Variants in CTNNA3 observed in about 807,000 individuals in gnomAD.
CTNNA3 encodes catenin alpha 3, also known as catenin alpha-3.
A neutral mutation model predicts 95.7 loss-of-function variants in CTNNA3; 76 were observed. That is an observed-to-expected ratio of 0.79 (90% CI 0.66 to 0.96). The LOEUF (loss-of-function observed/expected upper bound fraction) is 0.96, where lower values mean the gene tolerates loss of function less well. CTNNA3 is among the 40% of genes least tolerant of loss of function. CTNNA3 has a pLI of 0.00. For synonymous variants in CTNNA3, 431 were observed against 374.4 expected (o/e 1.15, Z -1.74); for missense variants, 1,191 against 1,089.8 (o/e 1.09, Z -1.31).
intron 5 of CTNNA3, among the ~76,000 whole-genome samples, chr10:67,311,460 C>A (rs550133289): frequency 7.2e-5 from 11 of 152,188 alleles, no homozygotes; most frequent in Non-Finnish European, 1.5e-4. Context: ...CTGTGGTTGC[C>A]TGTGGCTGGG....
At chr10:66,758,239 T>C (rs557704558) in intron 9 of CTNNA3, among the ~76,000 whole-genome samples, 3 of 152,322 alleles carry the variant, frequency 2.0e-5, no homozygotes, top group African/African-American at 7.2e-5. Context: ...ACATCTTCCA[T>C]TTATAGATAA....
At chr10:67,476,628 T>TA (rs556919345) in intron 5 of CTNNA3, among the ~76,000 whole-genome samples, 115 of 151,592 alleles carry the variant, frequency 7.6e-4, no homozygotes, top group Admixed American at 1.7e-3. Flanking sequence ...AAAGAGATCG[T>TA]AGTGCATCTG....
chr10:67,573,017 A>G lies in CTNNA3; in HGVS notation c.293-33348T>C, dbSNP rs183871663. Among the ~76,000 whole-genome samples, 1,201 of 152,262 alleles carry G rather than the reference A, an allele frequency of 7.9e-3. 18 individuals are homozygous for G. Among genetic ancestry groups the G allele is most frequent in the African/African-American group, 0.028 (1,145 of 41,552 alleles). ...GGTGGGAGGATCACTTGAGCCTGAG[A>G]GGTTGAGGCTGCAGTGAGCCGTGAT... On this transcript the variant is annotated intron_variant, in intron 3 of 17. Coordinates refer to ENST00000433211, the MANE Select transcript of CTNNA3 (RefSeq NM_013266.4).
intron 11 of CTNNA3, among the ~76,000 whole-genome samples, chr10:66,484,197 T>G (rs902354622): frequency 1.4e-5 from 2 of 145,554 alleles, no homozygotes; most frequent in African/African-American, 5.5e-5. Flanking sequence ...GTTCTTATAC[T>G]TGGAAAGGAA....
chr10:67,234,304 G>C lies in CTNNA3; in HGVS notation c.580-14434C>G, dbSNP rs1410914613. On this transcript the variant is annotated intron_variant, in intron 5 of 17. Coordinates refer to ENST00000433211, the MANE Select transcript of CTNNA3 (RefSeq NM_013266.4). ...ACCAAATCCAGCAGCACATCAAAAA[G>C]CTTATCCACCATGATCAAGTGGGCT... Among the ~76,000 whole-genome samples the C allele has an allele frequency of 2.0e-5, 3 of 152,268 alleles. No homozygotes were observed. The East Asian group carries it at 5.8e-4, about 29-fold the overall frequency.
chr10:67,284,891 C>G (rs1428255464), intron 5 of CTNNA3, among the ~76,000 whole-genome samples: 1 of 152,084 alleles, frequency 6.6e-6, no homozygotes, highest in Non-Finnish European at 1.5e-5. Context: ...GTGAGGAATA[C>G]AAAATTTATC....
intron 1 of CTNNA3, among the ~76,000 whole-genome samples, chr10:67,741,503 G>A (rs1388593751): frequency 6.6e-6 from 1 of 150,816 alleles, no homozygotes; most frequent in African/African-American, 2.4e-5. Flanking sequence ...GCTCCTGAAG[G>A]AAGCACTAAA....
intron 11 of CTNNA3, among the ~76,000 whole-genome samples, chr10:66,463,876 T>C (rs34010917): frequency 0.38 from 57,259 of 150,298 alleles, 11,723 homozygotes; most frequent in East Asian, 0.59. Context: ...GAGGGAGCAG[T>C]CACTTTCCAA....
intron 10 of CTNNA3, among the ~76,000 whole-genome samples, chr10:66,561,780 G>A (rs117686765): frequency 6.6e-6 from 1 of 152,172 alleles, no homozygotes; most frequent in Non-Finnish European, 1.5e-5. Context: ...TAGCATGAGA[G>A]TGACCATAGG....
At chr10:67,223,557 G>A (rs574704465) in intron 5 of CTNNA3, among the ~76,000 whole-genome samples, 3 of 152,280 alleles carry the variant, frequency 2.0e-5, no homozygotes, top group Admixed American at 6.5e-5. Context: ...AGCTGACGAA[G>A]AAACACACAG....
intron 17 of CTNNA3, among the ~76,000 whole-genome samples, chr10:65,929,635 C>T (rs1025521657): frequency 7.0e-4 from 105 of 150,488 alleles, no homozygotes; most frequent in African/African-American, 2.2e-3. Flanking sequence ...GTGGCGCAAT[C>T]TCGGCTCACT....
chr10:67,694,252 T>C (rs1840922054), intron 1 of CTNNA3, among the ~76,000 whole-genome samples: 1 of 152,098 alleles, frequency 6.6e-6, no homozygotes, highest in African/African-American at 2.4e-5. Flanking sequence ...TAAAAGTTTA[T>C]TGAGTGGAAA....
chr10:67,726,585 ATGTAATAT>A (rs1445249117), intron 1 of CTNNA3, among the ~76,000 whole-genome samples: 3 of 66,102 alleles, frequency 4.5e-5, no homozygotes, highest in African/African-American at 2.5e-4. Context: ...ATTATATAAT[ATGTAATAT>A]TATATTACAT....
chr10:67,514,817 C>T (rs1482559300), intron 5 of CTNNA3, among the ~76,000 whole-genome samples: 1 of 151,786 alleles, frequency 6.6e-6, no homozygotes, highest in Non-Finnish European at 1.5e-5. Context: ...AAACATTCCC[C>T]ACATAAAGTA....
At chr10:66,074,807 C>T (rs1314110743) in intron 14 of CTNNA3, among the ~76,000 whole-genome samples, 1 of 151,804 alleles carries the variant, frequency 6.6e-6, no homozygotes, top group Non-Finnish European at 1.5e-5. Flanking sequence ...TGACATTACA[C>T]ATAATTTTTC....
intron 5 of CTNNA3, among the ~76,000 whole-genome samples, chr10:67,371,597 A>G (rs1183566934): frequency 1.3e-5 from 2 of 152,118 alleles, no homozygotes; most frequent in African/African-American, 4.8e-5. Flanking sequence ...CATGGTGTAT[A>G]TGTGCCACAT....
At chr10:67,350,406 AG>A (rs1378346021) in intron 5 of CTNNA3, among the ~76,000 whole-genome samples, 1 of 152,022 alleles carries the variant, frequency 6.6e-6, no homozygotes, top group East Asian at 1.9e-4. Context: ...AATTAGTAAA[AG>A]TTCAGTCCTA....
chr10:67,303,574 T>C (rs1840416134), intron 5 of CTNNA3, among the ~76,000 whole-genome samples: 1 of 152,198 alleles, frequency 6.6e-6, no homozygotes, highest in Admixed American at 6.5e-5. Context: ...ATTTAAAATA[T>C]TTTGCAATTT....
intron 10 of CTNNA3, among the ~76,000 whole-genome samples, chr10:66,592,289 G>C (rs555599782): frequency 1.3e-5 from 2 of 151,742 alleles, no homozygotes; most frequent in South Asian, 2.1e-4. Context: ...ATTTATCACA[G>C]TTTTTAGGAA....
Sources: allele counts gnomAD v4.1 joint callset (sites outside exome capture counted in the v4.1 genomes callset), GRCh38; gene constraint gnomAD v4.1.1; transcripts MANE v1.5; gene names NCBI Gene and HGNC (gene_info 2026-07-23, HGNC 2026-07-21).